The following SRSF12 variants were observed in gnomAD, a reference collection of about 807,000 sequenced individuals.
The protein encoded by SRSF12 is serine/arginine-rich splicing factor 12.
In SRSF12, 21 loss-of-function variants were observed where a neutral mutation model predicts 34.1. The ratio of observed to expected loss-of-function variants is 0.62; its 90% confidence interval spans 0.44 to 0.89. The LOEUF (loss-of-function observed/expected upper bound fraction) is 0.89, where lower values mean the gene tolerates loss of function less well. SRSF12 is among the 40% of genes least tolerant of loss of function. The pLI is 0.00. For synonymous variants in SRSF12, 111 were observed against 110.8 expected (o/e 1.00, Z -0.01); for missense variants, 278 against 327.8 (o/e 0.85, Z 1.17).
rs1434330846 is a variant in SRSF12 at position 89,098,862 on chromosome 6, T to C, written c.502A>G (p.Arg168Gly). ...PRRSTSARQS[R>G]TPRRNFGSRG... ...GAGCCAAAATTCCTTCTTGGAGTTC[T>C]TGACTGCCTTGCTGAGGTAGACCGC... Residue 168 changes from arginine to glycine, a missense_variant, in exon 5 of 5, where the codon AGA (arginine) becomes GGA (glycine). Arg to Gly is a moderately radical substitution (Grantham distance 125). Coordinates refer to ENST00000452027, the MANE Select transcript of SRSF12 (RefSeq NM_080743.5). The C allele has an allele frequency of 1.2e-6, 2 of 1,613,994 alleles. No individual in the cohort carries two copies. Among genetic ancestry groups the C allele is most frequent in the East Asian group, 2.2e-5 (1 of 44,884 alleles).
intron 4 of SRSF12, among the ~76,000 whole-genome samples, chr6:89,101,666 C>G (rs772642603): frequency 1.4e-4 from 21 of 151,402 alleles, no homozygotes; most frequent in Middle Eastern, 3.2e-3. Context: ...CCACTGCACT[C>G]CAGCCCAGGT....
At chr6:89,116,113 A>AT (rs1334881229) in intron 1 of SRSF12, among the ~76,000 whole-genome samples, 2 of 152,218 alleles carry the variant, frequency 1.3e-5, no homozygotes, top group Non-Finnish European at 2.9e-5. Flanking sequence ...TTTAGATGGC[A>AT]TATTTCCTTT....
chr6:89,099,445 T>C lies in SRSF12; in HGVS notation c.417-498A>G, dbSNP rs9444670. On this transcript the variant is annotated intron_variant, in intron 4 of 4. Coordinates refer to ENST00000452027, the MANE Select transcript of SRSF12 (RefSeq NM_080743.5). Reference sequence around the variant, plus strand: ...ATATATGTGTGTATATATATACACATATATATGTGTGTATATATGTGTGTG... The same window carrying C: ...ATATATGTGTGTATATATATACACACATATATGTGTGTATATATGTGTGTG... Among the ~76,000 whole-genome samples, 938 of 91,332 alleles carry C rather than the reference T, an allele frequency of 0.01. 16 individuals are homozygous for C. In the East Asian group the frequency reaches 0.27, roughly 26 times the overall value. 59.9% of individuals were successfully genotyped at this position (91,332 alleles called of 152,430 possible).
At chr6:89,106,262 G>A (rs1000613820) in intron 2 of SRSF12, among the ~76,000 whole-genome samples, 5 of 139,322 alleles carry the variant, frequency 3.6e-5, no homozygotes, top group Non-Finnish European at 7.8e-5. Flanking sequence ...ACAGGTGCCC[G>A]GCACCACACC....
chr6:89,107,348 A>T, intron 1 of SRSF12, 90 bp from the exon 2 acceptor site: 1 of 933,310 alleles, frequency 1.1e-6, no homozygotes, highest in Non-Finnish European at 1.7e-6. Context: ...CTTCAAAAGA[A>T]AGAACATCAT....
intron 2 of SRSF12, chr6:89,106,755 A>C (rs963398987): frequency 2.9e-5 from 10 of 343,156 alleles, no homozygotes; most frequent in Non-Finnish European, 5.2e-5. Flanking sequence ...AGAGACGCAG[A>C]ACCAACAAAA....
intron 1 of SRSF12, 93 bp downstream of exon 1, chr6:89,117,730 C>T (rs1769379183): frequency 7.7e-7 from 1 of 1,297,300 alleles, no homozygotes; most frequent in Non-Finnish European, 1.0e-6. Context: ...GCGCAGCTCC[C>T]CCGAGCCTCC....
chr6:89,116,774 TAA>T (rs11361684), intron 1 of SRSF12, among the ~76,000 whole-genome samples: 128 of 135,100 alleles, frequency 9.5e-4, no homozygotes, highest in Middle Eastern at 3.8e-3. Flanking sequence ...AGACTTTGTC[TAA>T]AAAAAAAAAA....
chr6:89,109,875 A>C (rs1768963683), intron 1 of SRSF12, among the ~76,000 whole-genome samples: 1 of 152,138 alleles, frequency 6.6e-6, no homozygotes, highest in Non-Finnish European at 1.5e-5. Flanking sequence ...GCGGATTACG[A>C]GGTCAGGAGA....
intron 1 of SRSF12, among the ~76,000 whole-genome samples, chr6:89,111,839 TG>T (rs1304726242): frequency 3.3e-5 from 5 of 152,204 alleles, no homozygotes; most frequent in Non-Finnish European, 7.3e-5. Context: ...GTTGTGTTTT[TG>T]TTTTTGGAGA....
chr6:89,112,695 A>T (rs963470747), intron 1 of SRSF12, among the ~76,000 whole-genome samples: 2 of 152,002 alleles, frequency 1.3e-5, no homozygotes, highest in Non-Finnish European at 2.9e-5. Context: ...TACAAGCATA[A>T]GCCACTGAGC....
chr6:89,104,223 C>T (rs1484429038), intron 4 of SRSF12, among the ~76,000 whole-genome samples: 11 of 123,548 alleles, frequency 8.9e-5, no homozygotes, highest in Non-Finnish European at 1.5e-4. Context: ...AACTCATCAC[C>T]TTTTTTTTTT....
Position 89,098,403 on chromosome 6 carries a change from T to C in SRSF12, c.*175A>G. ...AAATCATAATTTGTAGTGTGGGCCCTTTAAATGGAGACCAAATTTTTATTA... is the reference window on the plus strand; with the variant it reads ...AAATCATAATTTGTAGTGTGGGCCCCTTAAATGGAGACCAAATTTTTATTA... On this transcript the variant is annotated 3_prime_UTR_variant, in exon 5 of 5. Coordinates refer to ENST00000452027, the MANE Select transcript of SRSF12 (RefSeq NM_080743.5). 1.3e-6 allele frequency: 1 copy of C among 786,250 alleles called. No individual in the cohort carries two copies. Among genetic ancestry groups the C allele is most frequent in the Non-Finnish European group, 1.8e-6 (1 of 543,614 alleles). The allele number at this position is 786,250 out of a possible 1,614,324, so 48.7% of individuals were successfully genotyped here.
chr6:89,098,923 A>G lies in SRSF12; in HGVS notation c.441T>C (p.Tyr147=), dbSNP rs772370071. ...LKESRHRRFS[Y]SQSKSRSKSL... Reference sequence around the variant, plus strand: ...ATTTGGAACGAGATTTAGACTGGCTATAAGAAAATCGCCTGTGTCGAGACC... The same window carrying G: ...ATTTGGAACGAGATTTAGACTGGCTGTAAGAAAATCGCCTGTGTCGAGACC... The change falls in exon 5 of 5, where the codon TAT becomes TAC. Residue 147 remains tyrosine, a synonymous_variant. Coordinates refer to ENST00000452027, the MANE Select transcript of SRSF12 (RefSeq NM_080743.5). The G allele has an allele frequency of 8.1e-6, 13 of 1,613,596 alleles. No homozygotes were observed. Among genetic ancestry groups the G allele is most frequent in the African/African-American group, 1.3e-5 (1 of 74,922 alleles).
chr6:89,117,361 T>C (rs1297897154), intron 1 of SRSF12, among the ~76,000 whole-genome samples: 9 of 152,348 alleles, frequency 5.9e-5, no homozygotes, highest in Non-Finnish European at 2.9e-5. Context: ...GTACGCATTA[T>C]GGTACAAAAC....
In SRSF12 at chr6:89,097,447, A is replaced by C. The variant is rs1408266454; in HGVS notation, c.*1131T>G. On this transcript the variant is annotated 3_prime_UTR_variant, in exon 5 of 5. Coordinates refer to ENST00000452027, the MANE Select transcript of SRSF12 (RefSeq NM_080743.5). ...TAAAGTTATTTGGCTGTCAGAAATG[A>C]AGGGCAGTATAATGTAAAATTCAAA... 1 of 152,208 alleles carries C rather than the reference A, an allele frequency of 6.6e-6. No homozygotes were observed. The highest frequency in any genetic ancestry group is 2.4e-5 in the African/African-American group (1 of 41,456). 9.4% of individuals were successfully genotyped at this position (152,208 alleles called of 1,614,324 possible).
At chr6:89,117,682 T>TC (rs1562213764) in intron 1 of SRSF12, 141 bp downstream of exon 1, 2 of 785,614 alleles carry the variant, frequency 2.5e-6, no homozygotes, top group Non-Finnish European at 3.6e-6. Flanking sequence ...GGCTCACACC[T>TC]CCCCAAGTGG....
chr6:89,098,383 A>G lies in SRSF12; in HGVS notation c.*195T>C, dbSNP rs1486788545. On this transcript the variant is annotated 3_prime_UTR_variant, in exon 5 of 5. Transcript: ENST00000452027. ...ATAAAATGGTGACATTAGACAAATC[A>G]TAATTTGTAGTGTGGGCCCTTTAAA... 5 of 574,886 alleles carry G rather than the reference A, an allele frequency of 8.7e-6. No homozygotes were observed. Among genetic ancestry groups the G allele is most frequent in the Non-Finnish European group, 1.4e-5 (5 of 361,176 alleles). 35.6% of individuals were successfully genotyped at this position (574,886 alleles called of 1,614,324 possible). A position where few individuals can be genotyped will look rare whatever the true frequency, so the allele number is the denominator to read the frequency against.
At chr6:89,106,597 A>T (rs1269564254) in intron 2 of SRSF12, 1 of 159,594 alleles carries the variant, frequency 6.3e-6, no homozygotes, top group Non-Finnish European at 1.4e-5. Context: ...AACTTTTTTT[A>T]GGAGGTTGTT....
Sources: allele counts gnomAD v4.1 joint callset (sites outside exome capture counted in the v4.1 genomes callset), GRCh38; gene constraint gnomAD v4.1.1; transcripts MANE v1.5; gene names NCBI Gene and HGNC (gene_info 2026-07-23, HGNC 2026-07-21).